Variants in LTA4H observed in about 807,000 individuals in gnomAD.
LTA4H encodes leukotriene A-4 hydrolase.
LTA4H carries 59 observed loss-of-function variants against 89.8 expected under a neutral mutation model. That is an observed-to-expected ratio of 0.66 (90% CI 0.53 to 0.82). The LOEUF (loss-of-function observed/expected upper bound fraction) is 0.82. LTA4H is among the 40% of genes least tolerant of loss of function. The pLI, the probability that LTA4H is intolerant of heterozygous loss-of-function variation, is 0.00. For missense variants in LTA4H, 617 were observed against 727.0 expected, an observed-to-expected ratio of 0.85 and a Z score of 1.74; for synonymous variants, 227 against 253.1, an observed-to-expected ratio of 0.90 and a Z score of 0.98.
intron 16 of LTA4H, among the ~76,000 whole-genome samples, chr12:96,004,556 T>C (rs1384012619): frequency 1.3e-5 from 2 of 152,130 alleles, no homozygotes; most frequent in African/African-American, 4.8e-5. Context: ...AGGACAAGTT[T>C]GGGTGAAGGA....
intron 1 of LTA4H, among the ~76,000 whole-genome samples, chr12:96,034,514 C>A (rs1009913903): frequency 6.6e-6 from 1 of 152,136 alleles, no homozygotes; most frequent in Non-Finnish European, 1.5e-5. Context: ...CTCCTTGGAA[C>A]CAACTATTAA....
chr12:96,013,791 C>T lies in LTA4H; in HGVS notation c.1267G>A (p.Asp423Asn). 6.3e-7 allele frequency: 1 copy of T among 1,589,022 alleles called. No individual in the cohort carries two copies. The highest frequency in any genetic ancestry group is 1.4e-5 in the African/African-American group (1 of 73,870). The change falls in exon 13 of 19, where the codon GAT (aspartate) becomes AAT (asparagine). Residue 423 changes from aspartate to asparagine, a missense_variant. Physicochemically the swap from Asp to Asn is conservative, Grantham distance 23. This residue lies in a region of LTA4H where 290 missense variants were observed against 339.1 expected (regional missense o/e 0.86). Coordinates refer to ENST00000228740, the MANE Select transcript of LTA4H (RefSeq NM_000895.3). The stretch of plus-strand genomic sequence containing the variant: ...GAATACAGGAAATCCTTCCAGTCAT[C>T]AGTAGTTATGCTCTTATAGGAAAAC... ...EKFSYKSITT[D>N]DWKDFLYSYF...
At chr12:96,006,152 C>T (rs1950195430) in intron 16 of LTA4H, among the ~76,000 whole-genome samples, 162 bp downstream of exon 16, 1 of 152,046 alleles carries the variant, frequency 6.6e-6, no homozygotes, top group South Asian at 2.1e-4. Flanking sequence ...CAATATAAAA[C>T]ACAGTAAGCA....
intron 9 of LTA4H, among the ~76,000 whole-genome samples, 176 bp downstream of exon 9, chr12:96,017,381 A>C (rs535280495): frequency 1.3e-5 from 2 of 152,328 alleles, no homozygotes; most frequent in Middle Eastern, 3.4e-3. Flanking sequence ...ATATATGAAG[A>C]GATCAAACCA....
At position 96,022,059 on chromosome 12, in the gene LTA4H, T is replaced by G; in HGVS notation, c.585+88A>C. On this transcript the variant is annotated intron_variant, in intron 5 of 18. Coordinates refer to ENST00000228740, the MANE Select transcript of LTA4H (RefSeq NM_000895.3). This position sits in a 1 kb window ranked among gnomAD's most constrained non-coding sequence, Gnocchi z 4.0. ...AGCTGTTCTCAAAATTCTGAAATAT[T>G]TCAAAAGTAATTTTGCCCTCTGGAT... is the stretch of plus-strand genomic sequence containing the variant. 2 of 765,394 alleles carry G rather than the reference T, an allele frequency of 2.6e-6. No homozygotes were observed. Among genetic ancestry groups the G allele is most frequent in the Non-Finnish European group, 4.4e-6 (2 of 454,900 alleles). The allele number at this position is 765,394 out of a possible 1,614,324, so 47.4% of individuals were successfully genotyped here. A position where few individuals can be genotyped will look rare whatever the true frequency, so the allele number is the denominator to read the frequency against.
intron 3 of LTA4H, among the ~76,000 whole-genome samples, chr12:96,025,783 C>T (rs969677604): frequency 2.7e-5 from 4 of 150,012 alleles, no homozygotes. Context: ...CCCAAGTTCG[C>T]ACCATTGCAC....
At chr12:96,003,606 C>G in intron 17 of LTA4H, 1 of 269,892 alleles carries the variant, frequency 3.7e-6, no homozygotes, top group Non-Finnish European at 6.7e-6. Flanking sequence ...TTTTTTTTTT[C>G]TTTTAAGGCA....
chr12:96,037,557 G>A (rs960615239), upstream of LTA4H, among the ~76,000 whole-genome samples: 1 of 152,164 alleles, frequency 6.6e-6, no homozygotes, highest in Admixed American at 6.5e-5. Flanking sequence ...TTTGGTTGAA[G>A]ATGGAAGCCA....
chr12:96,033,958 T>C (rs193195076), intron 1 of LTA4H, among the ~76,000 whole-genome samples: 165 of 152,392 alleles, frequency 1.1e-3, no homozygotes, highest in Non-Finnish European at 1.7e-3. Flanking sequence ...TAATTTTCTT[T>C]CTTATGGTAC....
chr12:96,027,657 T>C (rs1228953670), intron 2 of LTA4H, 93 bp from the exon 3 acceptor site: 11 of 689,052 alleles, frequency 1.6e-5, no homozygotes, highest in Middle Eastern at 4.1e-4. Flanking sequence ...ATAAATAACA[T>C]AGTATGCATT....
At chr12:96,014,677 G>A (rs1391714500) in intron 12 of LTA4H, among the ~76,000 whole-genome samples, 178 bp downstream of exon 12, 1 of 151,966 alleles carries the variant, frequency 6.6e-6, no homozygotes, top group Non-Finnish European at 1.5e-5. Context: ...TAAACCTTAG[G>A]GGTTATTAAT....
At chr12:96,043,447 C>T in exon 1 of LTA4H, 2 of 928,992 alleles carry the variant, frequency 2.2e-6, no homozygotes, top group Non-Finnish European at 3.3e-6. Flanking sequence ...TCCTCTTGCC[C>T]TCTTCCCTTG....
intron 1 of LTA4H, among the ~76,000 whole-genome samples, chr12:96,029,719 C>G (rs1275881924): frequency 6.6e-6 from 1 of 152,140 alleles, no homozygotes; most frequent in Admixed American, 6.5e-5. Flanking sequence ...TATCTACTTG[C>G]CATGGCCAAT....
At chr12:96,020,476 C>A (rs1950440957) in intron 6 of LTA4H, among the ~76,000 whole-genome samples, 2 of 152,140 alleles carry the variant, frequency 1.3e-5, no homozygotes, top group South Asian at 4.2e-4. Flanking sequence ...AAGGACTGGG[C>A]GGTGGGGGAA....
intron 9 of LTA4H, 151 bp from the exon 10 acceptor site, chr12:96,017,265 C>A: frequency 1.6e-6 from 1 of 629,706 alleles, no homozygotes; most frequent in South Asian, 2.2e-5. Flanking sequence ...TTTAATTTAA[C>A]CAAAGACATA....
intron 1 of LTA4H, among the ~76,000 whole-genome samples, chr12:96,033,509 G>C (rs1477671006): frequency 6.6e-6 from 1 of 152,170 alleles, no homozygotes; most frequent in Non-Finnish European, 1.5e-5. Flanking sequence ...ACTTTTGAAT[G>C]TAGGACGTAT....
At position 96,017,097 on chromosome 12, in the gene LTA4H, T is replaced by A; in HGVS notation, c.894A>T (p.Ile298=). The A allele has an allele frequency of 3.1e-6, 5 of 1,611,184 alleles. No homozygotes were observed. The highest frequency in any genetic ancestry group is 4.2e-6 in the Non-Finnish European group (5 of 1,177,394). Residue 298 remains isoleucine (I), a synonymous_variant, in exon 10 of 19, where the codon ATA becomes ATT. Coordinates refer to ENST00000228740, the MANE Select transcript of LTA4H (RefSeq NM_000895.3). ...KSLSNVIAHE[I]SHSWTGNLVT... ...CTAGATTCCCTGTCCAGCTATGAGA[T>A]ATTTCATGTGCAATGACCTAAAGAA...
intron 1 of LTA4H, among the ~76,000 whole-genome samples, chr12:96,041,556 A>T (rs1226015719): frequency 2.1e-5 from 3 of 143,442 alleles, no homozygotes; most frequent in Admixed American, 6.8e-5. Context: ...TATGTCAATT[A>T]AAAAAAAAAC....
Position 96,042,511 on chromosome 12 carries a change from T to C in LTA4H, c.87+778A>G, listed in dbSNP as rs376067581. The stretch of plus-strand genomic sequence containing the variant: ...GATTTAGCAGGAGACAAGATAAGGA[T>C]AATCACCCCAGCACCTGCACCCATT... On this transcript the variant is annotated intron_variant, in intron 1 of 17. Coordinates refer to the LTA4H transcript ENST00000413268. Among the ~76,000 whole-genome samples the C allele has an allele frequency of 5.3e-5, 8 of 152,098 alleles. No individual in the cohort carries two copies. The East Asian group carries it at 9.6e-4, about 18-fold the overall frequency.
Sources: gnomAD v4.1 joint callset for allele counts (sites outside exome capture counted in the v4.1 genomes callset) on GRCh38, gnomAD v4.1.1 for gene constraint, gnomAD v4.1.1 regional missense constraint, Gnocchi (gnomAD v3.1) non-coding constraint, MANE v1.5 for transcripts, NCBI Gene and HGNC (gene_info 2026-07-23, HGNC 2026-07-21) for gene names.